FBXL3: variants seen among roughly 807,000 people sequenced by gnomAD.
FBXL3 encodes the protein F-box and leucine rich repeat protein 3, also known as F-box/LRR-repeat protein 3.
Under a neutral mutation model 37.9 loss-of-function variants are expected in FBXL3, and 14 were observed. That is an observed-to-expected ratio of 0.37 (90% CI 0.24 to 0.58). The LOEUF is 0.58. Ranked by LOEUF, FBXL3 falls within the 20% of genes least tolerant of loss-of-function variation. FBXL3 has a pLI of 0.74. For synonymous variants in FBXL3, 194 were observed against 180.1 expected, an observed-to-expected ratio of 1.08 and a Z score of -0.62; for missense variants, 327 against 511.1, an observed-to-expected ratio of 0.64 and a Z score of 3.47.
chr13:77,016,362 A>G (rs1395644898), intron 3 of FBXL3: 2 of 152,204 alleles, frequency 1.3e-5, no homozygotes, highest in Non-Finnish European at 2.9e-5. Context: ...CGGAGCTAAG[A>G]TATGAGTTGA....
chr13:77,022,783 A>T (rs1318345542), intron 1 of FBXL3, among the ~76,000 whole-genome samples: 3 of 152,142 alleles, frequency 2.0e-5, no homozygotes. Flanking sequence ...TCATTCCATT[A>T]GTTTCTTTGA....
intron 1 of FBXL3, among the ~76,000 whole-genome samples, chr13:77,026,014 A>AT (rs369444467): frequency 0.011 from 1,634 of 152,290 alleles, 25 homozygotes; most frequent in African/African-American, 0.037. Context: ...AGATAGATAG[A>AT]TAACTGATAG....
At chr13:77,025,818 C>T (rs1288091564) in intron 1 of FBXL3, among the ~76,000 whole-genome samples, 1 of 151,690 alleles carries the variant, frequency 6.6e-6, no homozygotes, top group Admixed American at 6.6e-5. Flanking sequence ...ATTTTAAATG[C>T]TCATTTGTAG....
intron 2 of FBXL3, among the ~76,000 whole-genome samples, chr13:77,020,606 T>C (rs2034725322): frequency 0.025 from 2 of 80 alleles, no homozygotes; most frequent in Admixed American, 0.083. Context: ...TCATGCATTG[T>C]TTTTTTTTTT....
chr13:77,021,596 A>T lies in FBXL3; in HGVS notation c.265T>A (p.Ser89Thr), dbSNP rs200924298. 7 of 1,614,164 alleles carry T rather than the reference A, an allele frequency of 4.3e-6. No individual in the cohort carries two copies. Among genetic ancestry groups the T allele is most frequent in the Non-Finnish European group, 5.9e-6 (7 of 1,180,018 alleles). The change falls in exon 2 of 5, where the codon TCT (serine) becomes ACT (threonine). Residue 89 changes from serine (S) to threonine (T), a missense_variant. Transcript: ENST00000355619. ...FEFELNQPAT[S>T]YLKATHPELI... Reference sequence around the variant, plus strand: ...TCTGGATGGGTAGCTTTCAAATAAGATGTAGCTGGCTGATTCAGTTCAAAT... The same window carrying T: ...TCTGGATGGGTAGCTTTCAAATAAGTTGTAGCTGGCTGATTCAGTTCAAAT...
At chr13:77,020,619 A>G (rs925697242) in intron 2 of FBXL3, among the ~76,000 whole-genome samples, 7 of 138,946 alleles carry the variant, frequency 5.0e-5, no homozygotes, top group South Asian at 2.2e-4. Context: ...TTTTTTTTCA[A>G]TAAGTTATTT....
At position 77,006,923 on chromosome 13, in the gene FBXL3, A is replaced by G. The variant is rs2034461286; in HGVS notation, c.*222T>C. 7.3e-7 allele frequency: 1 copy of G among 1,363,176 alleles called. No homozygotes were observed. Among genetic ancestry groups the G allele is most frequent in the Middle Eastern group, 2.8e-4 (1 of 3,612 alleles). 84.4% of individuals were successfully genotyped at this position (1,363,176 alleles called of 1,614,324 possible). On this transcript the variant is annotated 3_prime_UTR_variant, in exon 5 of 5. Transcript: ENST00000355619. ...TTATTTCACATCCGAACCACATTAA[A>G]AAAAATTCGGAGATATGACTGCTAT... is the stretch of plus-strand genomic sequence containing the variant.
At chr13:77,008,764 G>A (rs951517455) in intron 4 of FBXL3, 4 of 152,276 alleles carry the variant, frequency 2.6e-5, no homozygotes, top group African/African-American at 9.7e-5. Flanking sequence ...TGTTGGCCAG[G>A]ATAGTATCGA....
rs2034446486 is a variant in FBXL3, at chr13:77,006,026, TAA to T, written c.*1117_*1118del. 6.6e-6 allele frequency: 1 copy of T among 152,582 alleles called. No individual in the cohort carries two copies. The highest frequency in any genetic ancestry group is 1.9e-4 in the East Asian group (1 of 5,206). 9.5% of individuals were successfully genotyped at this position (152,582 alleles called of 1,614,324 possible). ...CACAAAACTGCAGACATTTTTCTAT[TAA>T]AGTTTTCCAGTTCACTGAGCAATAT... is the stretch of plus-strand genomic sequence containing the variant. On this transcript the variant is annotated 3_prime_UTR_variant, in exon 5 of 5. Transcript: ENST00000355619.
chr13:77,018,832 C>T (rs1424513192), intron 2 of FBXL3, 110 bp from the exon 3 acceptor site: 2 of 862,620 alleles, frequency 2.3e-6, no homozygotes, highest in Non-Finnish European at 3.2e-6. Flanking sequence ...TTTCTCTGTA[C>T]ACATATTCAT....
chr13:77,007,467 T>A lies in FBXL3; in HGVS notation c.965A>T (p.Asp322Val), dbSNP rs1593921137. The A allele has an allele frequency of 6.2e-7, 1 of 1,614,182 alleles. No individual in the cohort carries two copies. Among genetic ancestry groups the A allele is most frequent in the East Asian group, 2.2e-5 (1 of 44,886 alleles). ...TGTCATTCCCACACGGCCAAGCACA[T>A]CTTTGCTTACTGATCTCCCAAAGTA... ...HLYFGRSVSKDVLGRVGMTCP... is the reference protein window; with the variant it reads ...HLYFGRSVSKVVLGRVGMTCP... The change falls in exon 5 of 5, where the codon GAT (aspartate) becomes GTT (valine). Residue 322 changes from aspartate to valine, a missense_variant. Transcript: ENST00000355619.
At chr13:77,020,605 G>GTT (rs1555276400) in intron 2 of FBXL3, among the ~76,000 whole-genome samples, 13,508 of 149,140 alleles carry the variant, frequency 0.091, 1,206 homozygotes, top group African/African-American at 0.23. Flanking sequence ...TTCATGCATT[G>GTT]TTTTTTTTTT....
chr13:77,024,120 GTTTTT>G (rs748793067), intron 1 of FBXL3, among the ~76,000 whole-genome samples: 1 of 151,670 alleles, frequency 6.6e-6, no homozygotes, highest in Non-Finnish European at 1.5e-5. Flanking sequence ...CTTGAGATTA[GTTTTT>G]TTTTAATAAG....
intron 2 of FBXL3, 93 bp from the exon 3 acceptor site, chr13:77,018,815 AT>A: frequency 1.9e-6 from 2 of 1,056,400 alleles, no homozygotes; most frequent in Non-Finnish European, 1.3e-6. Flanking sequence ...TCATGTATAT[AT>A]TTATATTTCT....
At position 77,008,936 on chromosome 13, in the gene FBXL3, A is replaced by G. The variant is rs955909107; in HGVS notation, c.644-1148T>C. The G allele has an allele frequency of 2.6e-5, 4 of 152,218 alleles. No homozygotes were observed. The East Asian group carries it at 7.7e-4, about 29-fold the overall frequency. The allele number at this position is 152,218 out of a possible 1,614,324, so 9.4% of individuals were successfully genotyped here. A position where few individuals can be genotyped will look rare whatever the true frequency, so the allele number is the denominator to read the frequency against. On this transcript the variant is annotated intron_variant, in intron 4 of 4. Transcript: ENST00000355619. ...AATCCATTTCTTCCTTATGTTTAGA[A>G]ACAGGGATAGGAACAAGAAAACATA...
rs2034464396 is a variant in FBXL3 at position 77,007,062 on chromosome 13, A to G, written c.*83T>C. The G allele has an allele frequency of 2.7e-6, 4 of 1,488,034 alleles. No individual in the cohort carries two copies. Among genetic ancestry groups the G allele is most frequent in the Non-Finnish European group, 2.7e-6 (3 of 1,127,110 alleles). The allele number at this position is 1,488,034 out of a possible 1,614,324, so 92.2% of individuals were successfully genotyped here. A position where few individuals can be genotyped will look rare whatever the true frequency, so the allele number is the denominator to read the frequency against. ...TCAAATTTCTGTGCCACAAAATAGTAGAATTATATCAGAACTACAGCAAAT... is the reference window on the plus strand; with the variant it reads ...TCAAATTTCTGTGCCACAAAATAGTGGAATTATATCAGAACTACAGCAAAT... On this transcript the variant is annotated 3_prime_UTR_variant, in exon 5 of 5. Coordinates refer to ENST00000355619, the MANE Select transcript of FBXL3 (RefSeq NM_012158.4).
At chr13:77,025,711 A>C (rs923832695) in intron 1 of FBXL3, among the ~76,000 whole-genome samples, 56 of 151,564 alleles carry the variant, frequency 3.7e-4, no homozygotes, top group African/African-American at 1.3e-3. Flanking sequence ...AAAAAAAAAA[A>C]ACTTTGAAAG....
chr13:77,017,229 T>C (rs2034659452), intron 3 of FBXL3: 1 of 152,198 alleles, frequency 6.6e-6, no homozygotes, highest in African/African-American at 2.4e-5. Flanking sequence ...ATTAGCTCCA[T>C]TCATGGTTCC....
chr13:77,025,712 A>C (rs369571929), intron 1 of FBXL3, among the ~76,000 whole-genome samples: 12 of 147,962 alleles, frequency 8.1e-5, no homozygotes, highest in Non-Finnish European at 9.0e-5. Flanking sequence ...AAAAAAAAAA[A>C]CTTTGAAAGA....
Sources: gnomAD v4.1 joint callset for allele counts (sites outside exome capture counted in the v4.1 genomes callset) on GRCh38, gnomAD v4.1.1 for gene constraint, MANE v1.5 for transcripts, NCBI Gene and HGNC (gene_info 2026-07-23, HGNC 2026-07-21) for gene names.